EI24: variants seen among roughly 807,000 people sequenced by gnomAD.
EI24 encodes the protein etoposide-induced protein 2.4 homolog.
In EI24, 21 loss-of-function variants were observed where a neutral mutation model predicts 48.6. That is an observed-to-expected ratio of 0.43 (90% CI 0.31 to 0.62). The LOEUF (loss-of-function observed/expected upper bound fraction) is 0.62, where lower values mean the gene tolerates loss of function less well. Ranked by LOEUF, EI24 falls within the 20% of genes least tolerant of loss-of-function variation. The pLI is 0.10. For synonymous variants in EI24, 114 were observed against 145.5 expected (o/e 0.78, Z 1.56); for missense variants, 280 against 410.5 (o/e 0.68, Z 2.75).
rs377188067 is a variant in EI24, at chr11:125,575,518, G to T, written c.188+110G>T. 29 of 1,276,116 alleles carry T rather than the reference G, an allele frequency of 2.3e-5. No homozygotes were observed. In the East Asian group the frequency reaches 5.2e-4, roughly 23 times the overall value. The allele number at this position is 1,276,116 out of a possible 1,614,324, so 79.0% of individuals were successfully genotyped here. On this transcript the variant is annotated intron_variant, in intron 3 of 10. Transcript: ENST00000278903. ...CTTTTGTGCTTTTTCCCAGAAAAAT[G>T]TTGCAAGTGATTTCCCCCCAACAAC...
Position 125,569,542 on chromosome 11 carries a change from G to T in EI24, c.-102G>T. 2.7e-6 allele frequency: 1 copy of T among 376,790 alleles called. No individual in the cohort carries two copies. Among genetic ancestry groups the T allele is most frequent in the Non-Finnish European group, 4.7e-6 (1 of 212,042 alleles). The allele number at this position is 376,790 out of a possible 1,614,324, so 23.3% of individuals were successfully genotyped here. A position where few individuals can be genotyped will look rare whatever the true frequency, so the allele number is the denominator to read the frequency against. On this transcript the variant is annotated 5_prime_UTR_variant, in exon 1 of 11. Transcript: ENST00000278903. ...GGAGCTGGCCTGCGGTGGGCTAGGG[G>T]CAGGGCCGGAGCCGCGGCGGCGGAG...
Position 125,578,823 on chromosome 11 carries a change from G to T in EI24, c.442-126G>T, listed in dbSNP as rs184394543. 2.3e-4 allele frequency: 264 copies of T among 1,156,748 alleles called. No homozygotes were observed. In the East Asian group the frequency reaches 6.6e-3, roughly 29 times the overall value. 71.7% of individuals were successfully genotyped at this position (1,156,748 alleles called of 1,614,324 possible). ...TGGGACTATAGGCACATGCCATCGT[G>T]CCCAGCTTATTTTTAAATAAGCCTT... On this transcript the variant is annotated intron_variant, in intron 6 of 10. Transcript: ENST00000278903.
chr11:125,583,430 G>A (rs1403944321), intron 10 of EI24, 91 bp from the exon 11 acceptor site: 1 of 1,036,980 alleles, frequency 9.6e-7, no homozygotes, highest in East Asian at 2.6e-5. Flanking sequence ...GTCTTTCCCT[G>A]TGTAGTTTTA....
intron 2 of EI24, among the ~76,000 whole-genome samples, chr11:125,574,405 A>T (rs903380598): frequency 3.9e-5 from 6 of 152,194 alleles, no homozygotes; most frequent in African/African-American, 1.4e-4. Context: ...TATCTTAGAT[A>T]GTTGGAGTTT....
intron 10 of EI24, 110 bp from the exon 11 acceptor site, chr11:125,583,411 A>G: frequency 1.1e-6 from 1 of 898,290 alleles, no homozygotes; most frequent in Non-Finnish European, 1.6e-6. Flanking sequence ...ATCAAGTTTC[A>G]TTTGTCTTGT....
intron 8 of EI24, 30 bp downstream of exon 8, chr11:125,580,234 G>A: frequency 6.6e-7 from 1 of 1,517,848 alleles, no homozygotes; most frequent in South Asian, 1.1e-5. Context: ...TCCAGAAAAT[G>A]GAGGCCCAGT....
chr11:125,578,919 T>C, intron 6 of EI24, 30 bp from the exon 7 acceptor site: 1 of 1,555,096 alleles, frequency 6.4e-7, no homozygotes, highest in Non-Finnish European at 8.7e-7. Context: ...GCCATTTAAT[T>C]CATGTTTTGG....
rs1055282131 is a variant in EI24 at position 125,575,202 on chromosome 11, G to T, written c.43-61G>T. 3 of 1,432,934 alleles carry T rather than the reference G, an allele frequency of 2.1e-6. No individual in the cohort carries two copies. In the African/African-American group the frequency reaches 4.3e-5, roughly 20 times the overall value. The allele number at this position is 1,432,934 out of a possible 1,614,324, so 88.8% of individuals were successfully genotyped here. A position where few individuals can be genotyped will look rare whatever the true frequency, so the allele number is the denominator to read the frequency against. On this transcript the variant is annotated intron_variant, in intron 2 of 10. Coordinates refer to ENST00000278903, the MANE Select transcript of EI24 (RefSeq NM_004879.5). Reference sequence around the variant, plus strand: ...TGATTGAGTCACTGCACTGTAGCTTGGGTGACAAAGCAAGACCCTGTCTCA... The same window carrying T: ...TGATTGAGTCACTGCACTGTAGCTTTGGTGACAAAGCAAGACCCTGTCTCA...
intron 6 of EI24, 22 bp downstream of exon 6, chr11:125,578,279 G>A (rs1325632107): frequency 1.2e-6 from 2 of 1,613,606 alleles, no homozygotes; most frequent in Non-Finnish European, 1.7e-6. Flanking sequence ...GCAGAATGGA[G>A]TCTGGGTCCC....
intron 9 of EI24, 112 bp downstream of exon 9, chr11:125,581,434 A>C: frequency 1.8e-6 from 1 of 555,992 alleles, no homozygotes; most frequent in Non-Finnish European, 3.2e-6. Flanking sequence ...TTTGTCCATC[A>C]GGAGACCTGC....
rs1591355332 is a variant in EI24 at position 125,575,248 on chromosome 11, T to C, written c.43-15T>C. ...TCTCAAATAATAATAATAATAATGA[T>C]AGCCTTTTCTATAGGGAATCAAAGA... On this transcript the variant is annotated splice_polypyrimidine_tract_variant and intron_variant, in intron 2 of 10. Transcript: ENST00000278903. The C allele has an allele frequency of 6.5e-6, 10 of 1,530,670 alleles. 1 individual carries two copies. In the East Asian group the frequency reaches 2.5e-4, roughly 38 times the overall value. 94.8% of individuals were successfully genotyped at this position (1,530,670 alleles called of 1,614,324 possible).
At chr11:125,576,405 C>T in intron 4 of EI24, 90 bp downstream of exon 4, 1 of 1,177,098 alleles carries the variant, frequency 8.5e-7, no homozygotes, top group Non-Finnish European at 1.2e-6. Flanking sequence ...AACACTGAGA[C>T]AAATAGTTTT....
intron 10 of EI24, 120 bp downstream of exon 10, chr11:125,582,540 G>T: frequency 1.3e-6 from 1 of 746,638 alleles, no homozygotes; most frequent in Non-Finnish European, 2.1e-6. Context: ...TTAATATAAG[G>T]TTTAATGAGA....
chr11:125,583,745 G>C lies in EI24; in HGVS notation c.*62G>C. On this transcript the variant is annotated 3_prime_UTR_variant, in exon 11 of 11. Coordinates refer to ENST00000278903, the MANE Select transcript of EI24 (RefSeq NM_004879.5). ...AGAAGCTGTGGCAGCTCTTTTCCCTGTTCACCTCCCGCCTGCCAGGGAAGG... is the reference window on the plus strand; with the variant it reads ...AGAAGCTGTGGCAGCTCTTTTCCCTCTTCACCTCCCGCCTGCCAGGGAAGG... The C allele has an allele frequency of 1.9e-6, 3 of 1,573,898 alleles. No individual in the cohort carries two copies. The highest frequency in any genetic ancestry group is 1.2e-5 in the South Asian group (1 of 86,044).
chr11:125,581,077 A>AAATAATAATAATAATAATAATAATAAT (rs145007951), intron 8 of EI24, 134 bp from the exon 9 acceptor site: 1 of 191,836 alleles, frequency 5.2e-6, no homozygotes, highest in African/African-American at 2.5e-5. Context: ...ACTCCATCTC[A>AAATAATAATAATAATAATAATAATAAT]AATAATAATA....
chr11:125,584,508 A>C lies in EI24; in HGVS notation c.*825A>C, dbSNP rs1296854344. The C allele has an allele frequency of 1.3e-5, 2 of 152,574 alleles. No individual in the cohort carries two copies. Among genetic ancestry groups the C allele is most frequent in the Admixed American group, 6.5e-5 (1 of 15,272 alleles). The allele number at this position is 152,574 out of a possible 1,614,324, so 9.5% of individuals were successfully genotyped here. A position where few individuals can be genotyped will look rare whatever the true frequency, so the allele number is the denominator to read the frequency against. On this transcript the variant is annotated 3_prime_UTR_variant, in exon 11 of 11. Coordinates refer to ENST00000278903, the MANE Select transcript of EI24 (RefSeq NM_004879.5). ...TTTACTGTTGGCCACTGCCAGGTCT[A>C]TTTCATATTTCAAAGGAATATTGGG... is the stretch of plus-strand genomic sequence containing the variant.
chr11:125,582,255 A>T, intron 9 of EI24, 91 bp from the exon 10 acceptor site: 1 of 1,202,398 alleles, frequency 8.3e-7, no homozygotes, highest in Non-Finnish European at 1.1e-6. Context: ...TTTACACTGG[A>T]AGCAAAAGAA....
At chr11:125,572,166 G>A (rs1377679704) in intron 1 of EI24, among the ~76,000 whole-genome samples, 2 of 152,156 alleles carry the variant, frequency 1.3e-5, no homozygotes, top group South Asian at 2.1e-4. Context: ...GAGGCTCAGA[G>A]GAGGTTACTG....
chr11:125,578,480 CTTTTTTTTTTTT>C lies in EI24; in HGVS notation c.441+236_441+247del, dbSNP rs370986926. 3.5e-3 allele frequency among the ~76,000 whole-genome samples: 294 copies of C among 84,712 alleles called. 2 individuals carry two copies. The highest frequency in any genetic ancestry group is 5.1e-3 in the Non-Finnish European group (232 of 45,804). 55.6% of individuals were successfully genotyped at this position (84,712 alleles called of 152,430 possible). A position where few individuals can be genotyped will look rare whatever the true frequency, so the allele number is the denominator to read the frequency against. On this transcript the variant is annotated intron_variant, in intron 6 of 10. Transcript: ENST00000278903. The stretch of plus-strand genomic sequence containing the variant: ...TGGTGCCTTTTCTTTTTCGTTTTGG[CTTTTTTTTTTTT>C]TTTTTTTTTTTTGAGACAGTCTCAC...
Sources: allele counts gnomAD v4.1 joint callset (sites outside exome capture counted in the v4.1 genomes callset), GRCh38; gene constraint gnomAD v4.1.1; transcripts MANE v1.5; gene names NCBI Gene and HGNC (gene_info 2026-07-23, HGNC 2026-07-21).